PLBD1: variants seen among roughly 807,000 people sequenced by gnomAD.
PLBD1 encodes the protein phospholipase B domain containing 1.
A neutral mutation model predicts 63.0 loss-of-function variants in PLBD1; 60 were observed. The ratio of observed to expected loss-of-function variants is 0.95; its 90% CI spans 0.77 to 1.18. The LOEUF (loss-of-function observed/expected upper bound fraction) is 1.18. PLBD1 is among the 50% of genes most tolerant of loss of function. The probability of loss-of-function intolerance (pLI) is 0.00; values close to 1 mark genes in which losing one functional copy is unlikely to be tolerated. For missense variants in PLBD1, 598 were observed against 677.9 expected, an observed-to-expected ratio of 0.88 and a Z score of 1.31; for synonymous variants, 262 against 248.0, an observed-to-expected ratio of 1.06 and a Z score of -0.53.
rs563776202 is a variant in PLBD1, at chr12:14,555,404, G to A, written c.116-1992C>T. On this transcript the variant is annotated intron_variant, in intron 1 of 10. Transcript: ENST00000240617. ...AGTACAAAATGAGCCAGGCATGGTG[G>A]TGTGCGCCTGTAATCCCAGCTACAC... is the stretch of plus-strand genomic sequence containing the variant. 2.6e-5 allele frequency among the ~76,000 whole-genome samples: 4 copies of A among 152,254 alleles called. No individual in the cohort carries two copies. In the East Asian group the frequency reaches 7.7e-4, roughly 29 times the overall value.
At chr12:14,552,887 G>C (rs1450127594) in intron 2 of PLBD1, among the ~76,000 whole-genome samples, 1 of 152,128 alleles carries the variant, frequency 6.6e-6, no homozygotes, top group African/African-American at 2.4e-5. Flanking sequence ...TCTGAGCTGG[G>C]CACAGTGGCT....
chr12:14,521,554 T>C (rs1184532474), intron 6 of PLBD1, among the ~76,000 whole-genome samples: 3 of 152,088 alleles, frequency 2.0e-5, no homozygotes, highest in African/African-American at 2.4e-5. Flanking sequence ...TGACTACAGC[T>C]GAAAAAACTG....
chr12:14,553,106 G>T, intron 2 of PLBD1, 87 bp downstream of exon 2: 1 of 1,161,868 alleles, frequency 8.6e-7, no homozygotes, highest in Non-Finnish European at 1.3e-6. Context: ...GTTCTAATGT[G>T]CAATGCCAGG....
At position 14,565,430 on chromosome 12, in the gene PLBD1, T is replaced by C. The variant is rs1388209889; in HGVS notation, c.115+2152A>G. On this transcript the variant is annotated intron_variant, in intron 1 of 10. Coordinates refer to ENST00000240617, the MANE Select transcript of PLBD1 (RefSeq NM_024829.6). ...GCAGTGAGCCGAGATCACGCCACTGTACCCAGCCTGGGGGGAAAATAAAAA... is the reference window on the plus strand; with the variant it reads ...GCAGTGAGCCGAGATCACGCCACTGCACCCAGCCTGGGGGGAAAATAAAAA... Among the ~76,000 whole-genome samples, 5 of 150,874 alleles carry C rather than the reference T, an allele frequency of 3.3e-5. No homozygotes were observed. The East Asian group carries it at 9.7e-4, about 29-fold the overall frequency.
intron 6 of PLBD1, among the ~76,000 whole-genome samples, chr12:14,533,547 A>G (rs772126800): frequency 1.3e-5 from 2 of 152,208 alleles, no homozygotes; most frequent in Admixed American, 6.5e-5. Flanking sequence ...TGTTAACACT[A>G]CTGGAGAGCA....
At chr12:14,507,560 A>C (rs7980066) in intron 8 of PLBD1, among the ~76,000 whole-genome samples, 123,131 of 152,134 alleles carry the variant, frequency 0.81, 50,468 homozygotes, top group Admixed American at 0.88. Flanking sequence ...GTAGTGGAAG[A>C]ACATAGCACT....
chr12:14,557,721 C>T (rs147858887), intron 1 of PLBD1, among the ~76,000 whole-genome samples: 3,344 of 152,210 alleles, frequency 0.022, 117 homozygotes, highest in African/African-American at 0.077. Flanking sequence ...GGAAAAATAA[C>T]TAATGGGTAC....
intron 8 of PLBD1, among the ~76,000 whole-genome samples, chr12:14,510,150 C>T (rs1339283961): frequency 6.6e-6 from 1 of 152,120 alleles, no homozygotes; most frequent in Non-Finnish European, 1.5e-5. Context: ...CTGGGCACCA[C>T]AATTTGGAAG....
intron 6 of PLBD1, among the ~76,000 whole-genome samples, chr12:14,529,503 T>C (rs557334580): frequency 2.2e-4 from 33 of 152,258 alleles, no homozygotes; most frequent in Middle Eastern, 3.4e-3. Flanking sequence ...TAACTTATCA[T>C]ATTAATAAAG....
intron 10 of PLBD1, among the ~76,000 whole-genome samples, chr12:14,505,921 A>G (rs1945251441): frequency 6.6e-6 from 1 of 152,250 alleles, no homozygotes; most frequent in Admixed American, 6.5e-5. Flanking sequence ...GTACTGTTAT[A>G]TCCATTTTAC....
At chr12:14,547,523 T>C (rs1945624768) in intron 2 of PLBD1, among the ~76,000 whole-genome samples, 1 of 152,176 alleles carries the variant, frequency 6.6e-6, no homozygotes, top group African/African-American at 2.4e-5. Flanking sequence ...AACTTTTCCA[T>C]GCTTCTGAAT....
intron 2 of PLBD1, among the ~76,000 whole-genome samples, chr12:14,543,476 T>G (rs1313112946): frequency 6.6e-6 from 1 of 152,190 alleles, no homozygotes; most frequent in Non-Finnish European, 1.5e-5. Context: ...CCCAGCATTT[T>G]GGGAGGCTGA....
chr12:14,557,139 A>C (rs1671182226), intron 1 of PLBD1, among the ~76,000 whole-genome samples: 1 of 152,192 alleles, frequency 6.6e-6, no homozygotes, highest in African/African-American at 2.4e-5. Flanking sequence ...CACATGAGTC[A>C]AAATGGCTAT....
intron 6 of PLBD1, among the ~76,000 whole-genome samples, chr12:14,512,743 G>C (rs1945307716): frequency 6.6e-6 from 1 of 152,216 alleles, no homozygotes; most frequent in African/African-American, 2.4e-5. Context: ...CTCAGTGGTA[G>C]GGTTAGAAGG....
chr12:14,521,423 C>A (rs1448072327), intron 6 of PLBD1, among the ~76,000 whole-genome samples: 1 of 151,958 alleles, frequency 6.6e-6, no homozygotes, highest in Non-Finnish European at 1.5e-5. Flanking sequence ...ACCCGTGGCG[C>A]ATGAAACAAA....
At chr12:14,508,604 A>G (rs1945272582) in intron 8 of PLBD1, among the ~76,000 whole-genome samples, 1 of 152,084 alleles carries the variant, frequency 6.6e-6, no homozygotes, top group Admixed American at 6.6e-5. Context: ...CCCTGCCTCC[A>G]CTAAAAATAT....
intron 6 of PLBD1, among the ~76,000 whole-genome samples, chr12:14,516,805 G>C (rs1000267889): frequency 2.0e-5 from 3 of 152,114 alleles, no homozygotes; most frequent in Non-Finnish European, 4.4e-5. Context: ...TTGGCAGGCA[G>C]AGGAGGGCGG....
At chr12:14,556,989 C>CAAAAAAA (rs71038607) in intron 1 of PLBD1, among the ~76,000 whole-genome samples, 7 of 76,280 alleles carry the variant, frequency 9.2e-5, no homozygotes, top group Non-Finnish European at 1.4e-4. Context: ...AATTCCCTCT[C>CAAAAAAA]AAAAAAAAAA....
At chr12:14,519,181 G>C (rs544157476) in intron 6 of PLBD1, among the ~76,000 whole-genome samples, 8 of 152,214 alleles carry the variant, frequency 5.3e-5, no homozygotes, top group African/African-American at 1.4e-4. Flanking sequence ...ACTGAATTCT[G>C]TTTCCTCAAA....
Sources: gnomAD v4.1 joint callset for allele counts (sites outside exome capture counted in the v4.1 genomes callset) on GRCh38, gnomAD v4.1.1 for gene constraint, MANE v1.5 for transcripts, NCBI Gene and HGNC (gene_info 2026-07-23, HGNC 2026-07-21) for gene names.